Variants in MAX observed in about 807,000 individuals in gnomAD.
The protein encoded by MAX is protein max.
In MAX, 3 loss-of-function variants were observed where a neutral mutation model predicts 22.3. That is an observed-to-expected ratio of 0.13 (90% CI 0.06 to 0.35). MAX has a LOEUF of 0.35. Among genes scored for constraint, MAX ranks in the 10% least tolerant of loss-of-function variants. The pLI, the probability that MAX is intolerant of heterozygous loss-of-function variation, is 1.00. For synonymous variants in MAX, 72 were observed against 77.7 expected (o/e 0.93, Z 0.39); for missense variants, 119 against 209.4 (o/e 0.57, Z 2.66).
downstream of MAX, among the ~76,000 whole-genome samples, chr14:65,072,129 T>A (rs2062993837): frequency 1.3e-5 from 2 of 152,224 alleles, no homozygotes; most frequent in Admixed American, 1.3e-4. Flanking sequence ...TAGTTTCATG[T>A]TCCCAGAGGC....
downstream of MAX, among the ~76,000 whole-genome samples, chr14:65,070,911 G>A (rs1000755542): frequency 1.3e-5 from 2 of 152,222 alleles, no homozygotes; most frequent in African/African-American, 2.4e-5. This position sits in a 1 kb window ranked among gnomAD's most constrained non-coding sequence, Gnocchi z 4.4. Context: ...GGGCAAAGTC[G>A]CCAGTATGTT....
downstream of MAX, among the ~76,000 whole-genome samples, chr14:65,072,764 T>C (rs2063002486): frequency 6.6e-6 from 1 of 152,194 alleles, no homozygotes; most frequent in Non-Finnish European, 1.5e-5. Context: ...TGCCACTGAA[T>C]CGTGGTGGGA....
At chr14:65,024,102 C>CT (rs1366675944) in intron 3 of MAX, among the ~76,000 whole-genome samples, 1 of 142,806 alleles carries the variant, frequency 7.0e-6, no homozygotes, top group African/African-American at 2.5e-5. Context: ...ACTCCATCTC[C>CT]TAAAAAAAAA....
intron 3 of MAX, among the ~76,000 whole-genome samples, chr14:65,064,648 C>T (rs2062913001): frequency 6.6e-6 from 1 of 152,234 alleles, no homozygotes; most frequent in Non-Finnish European, 1.5e-5. Context: ...AGTCCAATGG[C>T]TTGGAGAATA....
chr14:65,048,113 C>T (rs932756853), intron 3 of MAX, among the ~76,000 whole-genome samples: 12 of 146,698 alleles, frequency 8.2e-5, no homozygotes, highest in Non-Finnish European at 1.5e-4. Flanking sequence ...TCCTGTGTAG[C>T]TGGGATTACA....
chr14:65,016,514 G>T (rs2061775885), intron 3 of MAX: 1 of 152,238 alleles, frequency 6.6e-6, no homozygotes, highest in Admixed American at 6.5e-5. Flanking sequence ...TGGGATGAGA[G>T]ACTTCTGAGC....
At chr14:65,039,824 G>A (rs2062304828) in intron 3 of MAX, among the ~76,000 whole-genome samples, 1 of 152,066 alleles carries the variant, frequency 6.6e-6, no homozygotes, top group African/African-American at 2.4e-5. Context: ...TAGTATACAG[G>A]TTCATTATAA....
intron 3 of MAX, among the ~76,000 whole-genome samples, chr14:65,046,465 TC>T (rs2062479801): frequency 6.6e-6 from 1 of 152,204 alleles, no homozygotes; most frequent in African/African-American, 2.4e-5. Context: ...GTCAAAGTCT[TC>T]CAGGGGGGCT....
rs963850318 is a variant in MAX at position 65,054,203 on chromosome 14, CT to C, written c.171+39504del. 3.9e-5 allele frequency among the ~76,000 whole-genome samples: 6 copies of C among 152,244 alleles called. No individual in the cohort carries two copies. Among genetic ancestry groups the C allele is most frequent in the South Asian group, 2.1e-4 (1 of 4,828 alleles). ...TCATGACTCACTGCAGCCTTCACCT[CT>C]TGGGCTCGAGTGATCCTCCTGCTTC... On this transcript the variant is annotated intron_variant, in intron 3 of 3. Coordinates refer to the MAX transcript ENST00000341653. This position sits in a 1 kb window ranked among gnomAD's most constrained non-coding sequence, Gnocchi z 4.4.
chr14:65,079,550 T>C lies in MAX; in HGVS notation c.172-1514A>G, dbSNP rs998548070. On this transcript the variant is annotated intron_variant, in intron 3 of 4. Transcript: ENST00000358664. This position sits in a 1 kb window ranked among gnomAD's most constrained non-coding sequence, Gnocchi z 4.5. Reference sequence around the variant, plus strand: ...AAGCCAAGCGAAGCTCAAGGCGGGGTAGCCTAGTAGCTTAAGTATGGCCTT... The same window carrying C: ...AAGCCAAGCGAAGCTCAAGGCGGGGCAGCCTAGTAGCTTAAGTATGGCCTT... Among the ~76,000 whole-genome samples the C allele has an allele frequency of 2.0e-5, 3 of 152,164 alleles. No individual in the cohort carries two copies. Among genetic ancestry groups the C allele is most frequent in the Non-Finnish European group, 4.4e-5 (3 of 68,038 alleles).
In MAX at chr14:65,056,703, T is replaced by C. The variant is rs78309505; in HGVS notation, c.171+37005A>G. ...ACTTCAGTTGTTTTCCCTTAAGTAT[T>C]TGTAGTTCTCTGTATATTTTTAATA... On this transcript the variant is annotated intron_variant, in intron 3 of 3. Transcript: ENST00000341653. 1.1e-4 allele frequency among the ~76,000 whole-genome samples: 16 copies of C among 152,346 alleles called. No individual in the cohort carries two copies. In the East Asian group the frequency reaches 2.5e-3, roughly 24 times the overall value.
intron 3 of MAX, among the ~76,000 whole-genome samples, chr14:65,016,171 G>A (rs2061770337): frequency 6.6e-6 from 1 of 152,304 alleles, no homozygotes; most frequent in South Asian, 2.1e-4. Context: ...TGTAGCTCTT[G>A]ATGGGACTGG....
intron 3 of MAX, among the ~76,000 whole-genome samples, chr14:65,092,773 T>C: frequency 6.6e-6 from 1 of 152,214 alleles, no homozygotes; most frequent in East Asian, 1.9e-4. Flanking sequence ...GTTCCAAATT[T>C]GATCTTGGAT....
rs763679790 is a variant in MAX, at chr14:65,024,951, TGTAGAA to T, written c.172-18673_172-18668del. Among the ~76,000 whole-genome samples the T allele has an allele frequency of 4.9e-4, 74 of 152,156 alleles. 1 individual carries two copies. Among genetic ancestry groups the T allele is most frequent in the Non-Finnish European group, 9.3e-4 (63 of 68,026 alleles). ...TTTGTTTGTTTGTTTTTTTTAAATATGTAGAAGTATCATTAACATTTTGGTCTTCAG... is the reference window on the plus strand; with the variant it reads ...TTTGTTTGTTTGTTTTTTTTAAATATGTATCATTAACATTTTGGTCTTCAG... On this transcript the variant is annotated intron_variant, in intron 3 of 3. Coordinates refer to the MAX transcript ENST00000341653.
In MAX at chr14:65,027,145, G is replaced by T. The variant is rs187856708; in HGVS notation, c.172-20861C>A. Reference sequence around the variant, plus strand: ...AGTGGAAAGTCTGGGAAAGGTTTGTGTGGGAAGCACGGGAGACTCTTACCC... The same window carrying T: ...AGTGGAAAGTCTGGGAAAGGTTTGTTTGGGAAGCACGGGAGACTCTTACCC... On this transcript the variant is annotated intron_variant, in intron 3 of 3. Transcript: ENST00000341653. This position sits in a 1 kb window ranked among gnomAD's most constrained non-coding sequence, Gnocchi z 5.7. 6.6e-6 allele frequency among the ~76,000 whole-genome samples: 1 copy of T among 152,342 alleles called. No homozygotes were observed. The highest frequency in any genetic ancestry group is 1.9e-4 in the East Asian group (1 of 5,190).
In MAX at chr14:65,053,546, C is replaced by G. The variant is rs543008682; in HGVS notation, c.171+40162G>C. Among the ~76,000 whole-genome samples the G allele has an allele frequency of 3.3e-5, 5 of 151,918 alleles. No homozygotes were observed. In the East Asian group the frequency reaches 9.7e-4, roughly 29 times the overall value. On this transcript the variant is annotated intron_variant, in intron 3 of 3. Coordinates refer to the MAX transcript ENST00000341653. ...ATTGATCTTGGCACCTCCAGCTGCC[C>G]GTCTTGTCCCCCAGCCTGCATGCAA...
At chr14:65,056,424 G>A (rs2062738717) in intron 3 of MAX, among the ~76,000 whole-genome samples, 1 of 152,180 alleles carries the variant, frequency 6.6e-6, no homozygotes, top group Non-Finnish European at 1.5e-5. Context: ...GGTTGAAGGG[G>A]ACACATATTG....
intron 3 of MAX, among the ~76,000 whole-genome samples, chr14:65,037,321 C>A (rs2062214832): frequency 7.2e-6 from 1 of 139,808 alleles, no homozygotes. Context: ...CCAGGCTGGT[C>A]TCGAACTCCT....
chr14:65,102,249 G>A, intron 1 of MAX, 55 bp downstream of exon 1: 1 of 1,609,204 alleles, frequency 6.2e-7, no homozygotes, highest in African/African-American at 1.3e-5. Flanking sequence ...TAAGAGCCCC[G>A]GCCGCTGTCC....
Sources: allele counts gnomAD v4.1 joint callset (sites outside exome capture counted in the v4.1 genomes callset), GRCh38; gene constraint gnomAD v4.1.1; non-coding constraint Gnocchi (gnomAD v3.1); transcripts MANE v1.5; gene names NCBI Gene and HGNC (gene_info 2026-07-23, HGNC 2026-07-21).